SEC24B: variants seen among roughly 807,000 people sequenced by gnomAD.
The protein encoded by SEC24B is SEC24 homolog B, COPII component.
Under a neutral mutation model 142.8 loss-of-function variants are expected in SEC24B, and 45 were observed. That is an observed-to-expected ratio of 0.32 (90% CI 0.25 to 0.40). SEC24B has a LOEUF of 0.40. SEC24B is among the 10% of genes least tolerant of loss of function. The pLI is 1.00. For synonymous variants in SEC24B, 574 were observed against 568.2 expected (o/e 1.01, Z -0.15); for missense variants, 1,409 against 1,526.8 (o/e 0.92, Z 1.29).
At chr4:109,477,719 A>T (rs1194062189) in intron 3 of SEC24B, among the ~76,000 whole-genome samples, 2 of 152,188 alleles carry the variant, frequency 1.3e-5, no homozygotes, top group African/African-American at 4.8e-5. Flanking sequence ...AATTGGCAAA[A>T]GCAGTCCTCA....
At chr4:109,492,628 C>T (rs184041990) in intron 5 of SEC24B, among the ~76,000 whole-genome samples, 33 of 152,264 alleles carry the variant, frequency 2.2e-4, no homozygotes, top group South Asian at 1.5e-3. Flanking sequence ...TAAAGAACTA[C>T]GTGAGCATCT....
rs74379794 is a variant in SEC24B, at chr4:109,454,539, A to C, written c.134-8362A>C. Among the ~76,000 whole-genome samples, 7 of 115,610 alleles carry C rather than the reference A, an allele frequency of 6.1e-5. No individual in the cohort carries two copies. In the East Asian group the frequency reaches 1.4e-3, roughly 23 times the overall value. 75.8% of individuals were successfully genotyped at this position (115,610 alleles called of 152,430 possible). On this transcript the variant is annotated intron_variant, in intron 1 of 23. Coordinates refer to ENST00000265175, the MANE Select transcript of SEC24B (RefSeq NM_006323.5). The stretch of plus-strand genomic sequence containing the variant: ...GGTGACAGAGCAAGATTCTGTCTCC[A>C]AAAAAAAAAAAAGAAAGAAAAATAA...
chr4:109,465,810 A>G (rs996002891), intron 2 of SEC24B, among the ~76,000 whole-genome samples: 1 of 152,210 alleles, frequency 6.6e-6, no homozygotes, highest in Non-Finnish European at 1.5e-5. Context: ...TTACAAAACT[A>G]TTCTCTGTTT....
chr4:109,515,518 A>G (rs912944976), intron 10 of SEC24B, among the ~76,000 whole-genome samples: 2 of 152,138 alleles, frequency 1.3e-5, no homozygotes, highest in African/African-American at 4.8e-5. Flanking sequence ...GCTAGAGACA[A>G]GGTTTTACCA....
intron 23 of SEC24B, among the ~76,000 whole-genome samples, chr4:109,539,143 G>T (rs1307680360): frequency 6.6e-6 from 1 of 151,840 alleles, no homozygotes; most frequent in African/African-American, 2.4e-5. Context: ...TGTATTTTTA[G>T]TAGAGACAGG....
Position 109,494,595 on chromosome 4 carries a change from C to A in SEC24B, c.1247-20C>A. 6.2e-7 allele frequency: 1 copy of A among 1,613,020 alleles called. No homozygotes were observed. On this transcript the variant is annotated intron_variant, in intron 5 of 23. Transcript: ENST00000265175. Reference sequence around the variant, plus strand: ...AGTCTTGATTTTCAGTTGTTAACACCATGTGTTTCCATTTTTTAGATATGC... The same window carrying A: ...AGTCTTGATTTTCAGTTGTTAACACAATGTGTTTCCATTTTTTAGATATGC...
intron 14 of SEC24B, among the ~76,000 whole-genome samples, chr4:109,524,174 TG>T (rs1269103786): frequency 3.3e-5 from 5 of 152,176 alleles, no homozygotes; most frequent in Non-Finnish European, 5.9e-5. Flanking sequence ...ATTCTCTATC[TG>T]TCTGCCTAGG....
intron 2 of SEC24B, among the ~76,000 whole-genome samples, chr4:109,466,703 C>A (rs1731933127): frequency 6.6e-6 from 1 of 152,172 alleles, no homozygotes; most frequent in African/African-American, 2.4e-5. Context: ...AGCCACTGCA[C>A]CCGGCCAATA....
rs1007420853 is a variant in SEC24B at position 109,516,462 on chromosome 4, A to G, written c.2014-66A>G. ...TATATTCAGTAAATATCCAGTAGCA[A>G]TAGTAATATATAAAAAGAATAAATT... On this transcript the variant is annotated intron_variant, in intron 10 of 23. Transcript: ENST00000265175. The G allele has an allele frequency of 1.8e-5, 16 of 880,524 alleles. No homozygotes were observed. In the African/African-American group the frequency reaches 2.2e-4, roughly 12 times the overall value. 54.5% of individuals were successfully genotyped at this position (880,524 alleles called of 1,614,324 possible).
chr4:109,525,582 C>T, intron 16 of SEC24B, 78 bp downstream of exon 16: 1 of 928,094 alleles, frequency 1.1e-6, no homozygotes, highest in Non-Finnish European at 1.6e-6. Context: ...TTGACTACCT[C>T]TGACTGTTCA....
At chr4:109,512,859 G>A (rs1006294558) in intron 9 of SEC24B, among the ~76,000 whole-genome samples, 18 of 150,950 alleles carry the variant, frequency 1.2e-4, no homozygotes, top group East Asian at 3.9e-4. Flanking sequence ...ATGGGGTCTC[G>A]CTATGTTGGC....
rs539893523 is a variant in SEC24B, at chr4:109,467,257, C to T, written c.877+3613C>T. Among the ~76,000 whole-genome samples the T allele has an allele frequency of 2.4e-4, 34 of 141,120 alleles. 2 individuals carry two copies. The South Asian group carries it at 7.4e-3, about 31-fold the overall frequency. 92.6% of individuals were successfully genotyped at this position (141,120 alleles called of 152,430 possible). Reference sequence around the variant, plus strand: ...AGGAGAATGGCGTGAACCCGGGAGGCGGAGCTTGCAGTGAGCCGAGATCGC... The same window carrying T: ...AGGAGAATGGCGTGAACCCGGGAGGTGGAGCTTGCAGTGAGCCGAGATCGC... On this transcript the variant is annotated intron_variant, in intron 2 of 23. Coordinates refer to ENST00000265175, the MANE Select transcript of SEC24B (RefSeq NM_006323.5).
At chr4:109,472,516 G>A (rs1399897302) in intron 2 of SEC24B, among the ~76,000 whole-genome samples, 2 of 152,094 alleles carry the variant, frequency 1.3e-5, no homozygotes. Flanking sequence ...AGTTTACAGT[G>A]CAAAATGAGA....
intron 1 of SEC24B, among the ~76,000 whole-genome samples, chr4:109,444,981 TG>T (rs1216413378): frequency 1.3e-5 from 2 of 152,176 alleles, no homozygotes; most frequent in African/African-American, 2.4e-5. Context: ...TCACCCAAGC[TG>T]GAGCGATCAC....
chr4:109,489,376 G>C (rs1419464645), intron 4 of SEC24B, among the ~76,000 whole-genome samples: 1 of 151,622 alleles, frequency 6.6e-6, no homozygotes, highest in African/African-American at 2.4e-5. Flanking sequence ...ATGGTAAATT[G>C]TTTAGTTTTA....
rs70949083 is a variant in SEC24B at position 109,467,325 on chromosome 4, CAAAAAAAAAA to C, written c.877+3694_877+3703del. Among the ~76,000 whole-genome samples, 542 of 59,864 alleles carry C rather than the reference CAAAAAAAAAA, an allele frequency of 9.1e-3. 2 individuals carry two copies. The highest frequency in any genetic ancestry group is 0.017 in the African/African-American group (256 of 15,416). 39.3% of individuals were successfully genotyped at this position (59,864 alleles called of 152,430 possible). Reference sequence around the variant, plus strand: ...TGGGCGACAGAGCGAGACTCCGTCTCAAAAAAAAAAAAAAAAAAAAAAGTCCGCTCCAAGT... The same window carrying C: ...TGGGCGACAGAGCGAGACTCCGTCTCAAAAAAAAAAAAGTCCGCTCCAAGT... On this transcript the variant is annotated intron_variant, in intron 2 of 23. Transcript: ENST00000265175.
At position 109,532,616 on chromosome 4, in the gene SEC24B, A is replaced by T. The variant is rs1043129010; in HGVS notation, c.3391-23A>T. 5 of 1,576,206 alleles carry T rather than the reference A, an allele frequency of 3.2e-6. No individual in the cohort carries two copies. The African/African-American group carries it at 6.7e-5, about 21-fold the overall frequency. On this transcript the variant is annotated intron_variant, in intron 20 of 23. Coordinates refer to ENST00000265175, the MANE Select transcript of SEC24B (RefSeq NM_006323.5). ...TGATGATAGTAATGTAATCTCATTC[A>T]CATTCTCTCTTTTTCTTTTCAGGGT...
At chr4:109,441,265 A>C (rs1728903039) in intron 1 of SEC24B, among the ~76,000 whole-genome samples, 1 of 152,182 alleles carries the variant, frequency 6.6e-6, no homozygotes, top group Non-Finnish European at 1.5e-5. Context: ...TTTGCTCCTT[A>C]CCAACGATTT....
At chr4:109,449,267 G>C (rs1729804504) in intron 1 of SEC24B, 1 of 310,370 alleles carries the variant, frequency 3.2e-6, no homozygotes. Flanking sequence ...ACTGTCACCT[G>C]GGTTGGAGTA....
Sources: gnomAD v4.1 joint callset for allele counts (sites outside exome capture counted in the v4.1 genomes callset) on GRCh38, gnomAD v4.1.1 for gene constraint, MANE v1.5 for transcripts, NCBI Gene and HGNC (gene_info 2026-07-23, HGNC 2026-07-21) for gene names.